The following FER1L6 variants were observed in gnomAD, a reference collection of about 807,000 sequenced individuals.
The protein encoded by FER1L6 is fer-1 like family member 6, also known as fer-1-like protein 6.
FER1L6 carries 177 observed loss-of-function variants against 219.2 expected under a neutral mutation model. The observed-to-expected ratio is 0.81, with a 90% CI of 0.71 to 0.91. FER1L6 has a LOEUF of 0.91. Ranked by LOEUF, FER1L6 falls within the 40% of genes least tolerant of loss-of-function variation. The pLI is 0.00. For synonymous variants in FER1L6, 768 were observed against 824.3 expected (o/e 0.93, Z 1.17); for missense variants, 2,153 against 2,259.9 (o/e 0.95, Z 0.96).
chr8:124,110,196 G>A (rs1822961560), intron 39 of FER1L6, among the ~76,000 whole-genome samples: 1 of 151,992 alleles, frequency 6.6e-6, no homozygotes, highest in Admixed American at 6.6e-5. Flanking sequence ...TTCTTATCTT[G>A]GTGATCTTTG....
At chr8:123,856,325 T>C (rs1816648404) in intron 1 of FER1L6, among the ~76,000 whole-genome samples, 2 of 123,216 alleles carry the variant, frequency 1.6e-5, no homozygotes, top group South Asian at 5.3e-4. Context: ...TGTATATATA[T>C]ATATATATAT....
chr8:123,928,579 G>A (rs1270801357), intron 1 of FER1L6, among the ~76,000 whole-genome samples: 1 of 152,238 alleles, frequency 6.6e-6, no homozygotes, highest in Non-Finnish European at 1.5e-5. Context: ...AGGGCTATCT[G>A]TGGTGAGGTG....
intron 31 of FER1L6, among the ~76,000 whole-genome samples, chr8:124,075,091 T>A (rs1036811761): frequency 4.6e-5 from 7 of 152,206 alleles, no homozygotes; most frequent in Non-Finnish European, 8.8e-5. Flanking sequence ...ACTGTACACT[T>A]AGGCTACACT....
chr8:124,097,584 T>C (rs1822361831), intron 36 of FER1L6, among the ~76,000 whole-genome samples: 1 of 152,142 alleles, frequency 6.6e-6, no homozygotes, highest in Non-Finnish European at 1.5e-5. Context: ...GACCTGCTCA[T>C]AGGAATTCAT....
chr8:124,011,749 T>C (rs1366479030), intron 14 of FER1L6, among the ~76,000 whole-genome samples: 2 of 151,990 alleles, frequency 1.3e-5, no homozygotes, highest in African/African-American at 4.8e-5. Context: ...GCCCCCAAAT[T>C]GCTGGGGTGA....
chr8:124,034,517 C>A (rs1819115696), intron 18 of FER1L6, among the ~76,000 whole-genome samples: 1 of 152,218 alleles, frequency 6.6e-6, no homozygotes, highest in Non-Finnish European at 1.5e-5. Flanking sequence ...CCTGTGCATA[C>A]TAATACTACC....
intron 26 of FER1L6, among the ~76,000 whole-genome samples, chr8:124,066,109 G>C (rs7832499): frequency 0.82 from 124,206 of 152,232 alleles, 50,909 homozygotes; most frequent in Non-Finnish European, 0.86. Context: ...ATCATGTAGT[G>C]TAGTTCTCAT....
At chr8:123,972,326 C>T (rs192794674) in intron 6 of FER1L6, among the ~76,000 whole-genome samples, 41 of 152,326 alleles carry the variant, frequency 2.7e-4, no homozygotes, top group Admixed American at 2.2e-3. Flanking sequence ...ATCTGTCATT[C>T]GATTAGTCAT....
At chr8:123,989,228 A>G (rs1396058384) in intron 12 of FER1L6, among the ~76,000 whole-genome samples, 1 of 151,902 alleles carries the variant, frequency 6.6e-6, no homozygotes, top group East Asian at 1.9e-4. Flanking sequence ...GTTTGCTAGG[A>G]TTTTGTTGAG....
At chr8:124,023,691 C>T in intron 18 of FER1L6, 95 bp downstream of exon 18, 1 of 1,317,042 alleles carries the variant, frequency 7.6e-7, no homozygotes, top group South Asian at 1.6e-5. Context: ...CTGACCATTC[C>T]CCAGTGCTTT....
chr8:123,990,215 C>T (rs1162100402), intron 12 of FER1L6, among the ~76,000 whole-genome samples: 1 of 152,130 alleles, frequency 6.6e-6, no homozygotes, highest in Non-Finnish European at 1.5e-5. Flanking sequence ...TTGCAGTAAG[C>T]CGAGATAGCA....
intron 18 of FER1L6, among the ~76,000 whole-genome samples, chr8:124,031,155 G>C (rs1423875987): frequency 6.6e-6 from 1 of 152,062 alleles, no homozygotes; most frequent in African/African-American, 2.4e-5. Flanking sequence ...AGGTGTAGGA[G>C]CCAAGGGAGA....
intron 1 of FER1L6, among the ~76,000 whole-genome samples, chr8:123,944,513 A>T (rs568085512): frequency 3.7e-4 from 56 of 150,582 alleles, no homozygotes; most frequent in Middle Eastern, 6.9e-3. Context: ...TCTTCAAATA[A>T]GAATAGTAAC....
Position 124,094,942 on chromosome 8 carries a change from C to G in FER1L6, c.4599C>G (p.His1533Gln). The G allele has an allele frequency of 6.2e-7, 1 of 1,614,120 alleles. No homozygotes were observed. The highest frequency in any genetic ancestry group is 1.1e-5 in the South Asian group (1 of 91,084). Reference sequence around the variant, plus strand: ...AACACCTGGCCCTCAAGGTTTTACACTCTTGGGAGGATATCCCGGAAGTCG... The same window carrying G: ...AACACCTGGCCCTCAAGGTTTTACAGTCTTGGGAGGATATCCCGGAAGTCG... ...SYEHLALKVL[H>Q]SWEDIPEVGC... The change falls in exon 35 of 41, where the codon CAC becomes CAG. Residue 1533 changes from histidine to glutamine, a missense_variant. Coordinates refer to ENST00000522917, the MANE Select transcript of FER1L6 (RefSeq NM_001039112.2).
Position 124,091,582 on chromosome 8 carries a change from TG to T in FER1L6, c.4552+1del. The T allele has an allele frequency of 1.9e-6, 3 of 1,612,280 alleles. No individual in the cohort carries two copies. The highest frequency in any genetic ancestry group is 2.2e-5 in the East Asian group (1 of 44,872). On this transcript the variant is annotated frameshift_variant and splice_region_variant, in exon 34 of 41. Transcript: ENST00000522917. LOFTEE classifies it high-confidence loss of function. ...GKTIFTEEDT[D>X]ETVESYEHLA... ...AAACTATCTTCACTGAAGAGGACAC[TG>T]GTAACTCCCTGCAAAATATCCTGCT...
chr8:124,042,320 C>T (rs1819537394), intron 20 of FER1L6, among the ~76,000 whole-genome samples: 1 of 152,188 alleles, frequency 6.6e-6, no homozygotes, highest in Non-Finnish European at 1.5e-5. Context: ...AAGCCAAGTA[C>T]CTCATTTTTG....
chr8:123,879,510 C>T (rs980734983), intron 1 of FER1L6, among the ~76,000 whole-genome samples: 2 of 151,798 alleles, frequency 1.3e-5, no homozygotes, highest in Admixed American at 6.6e-5. Context: ...GTATTTTAGT[C>T]GAGACGGGGT....
At chr8:124,095,736 G>T (rs1227677053) in intron 35 of FER1L6, among the ~76,000 whole-genome samples, 2 of 152,178 alleles carry the variant, frequency 1.3e-5, no homozygotes, top group Non-Finnish European at 2.9e-5. Context: ...GCTGGTACAA[G>T]GAACACACAC....
chr8:124,097,564 A>T (rs373237945), intron 36 of FER1L6, among the ~76,000 whole-genome samples: 1 of 152,142 alleles, frequency 6.6e-6, no homozygotes, highest in African/African-American at 2.4e-5. Flanking sequence ...ATGCTGGTTA[A>T]GAGAAGGAAG....
Sources: allele counts gnomAD v4.1 joint callset (sites outside exome capture counted in the v4.1 genomes callset), GRCh38; gene constraint gnomAD v4.1.1; transcripts MANE v1.5; gene names NCBI Gene and HGNC (gene_info 2026-07-23, HGNC 2026-07-21).